BCAS4: variants seen among roughly 807,000 people sequenced by gnomAD.
BCAS4 encodes the protein breast carcinoma amplified sequence 4.
Under a neutral mutation model 15.7 loss-of-function variants are expected in BCAS4, and 9 were observed. That is an observed-to-expected ratio of 0.57 (90% confidence interval 0.34 to 1.00). The LOEUF is 1.00. Ranked by LOEUF, BCAS4 falls within the 50% of genes least tolerant of loss-of-function variation. BCAS4 has a pLI of 0.02. For missense variants in BCAS4, 225 were observed against 239.1 expected (o/e 0.94, Z 0.39); for synonymous variants, 101 against 99.5 (o/e 1.02, Z -0.09).
chr20:50,818,091 G>C, intron 1 of BCAS4, 120 bp from the exon 2 acceptor site: 2 of 884,612 alleles, frequency 2.3e-6, no homozygotes, highest in Non-Finnish European at 3.5e-6. Flanking sequence ...GAAGGGGGTC[G>C]AGCAGGAACC....
chr20:50,821,704 GT>G (rs1447535533), intron 2 of BCAS4, among the ~76,000 whole-genome samples: 4 of 152,286 alleles, frequency 2.6e-5, no homozygotes, highest in African/African-American at 9.6e-5. Flanking sequence ...GGGCTGCACG[GT>G]TTAGAGAGAA....
In BCAS4 at chr20:50,802,328, G is replaced by A. The variant is rs572255398; in HGVS notation, c.90+7155G>A. ...CAGGTGGACAAGGACTGAGCTGGCC[G>A]CCTCCCTGCATCAGAACCTTCCGGG... On this transcript the variant is annotated intron_variant, in intron 1 of 4. Coordinates refer to ENST00000371608, the MANE Select transcript of BCAS4 (RefSeq NM_198799.4). 9.2e-5 allele frequency among the ~76,000 whole-genome samples: 14 copies of A among 152,286 alleles called. 1 individual carries two copies. The highest frequency in any genetic ancestry group is 2.6e-4 in the Admixed American group (4 of 15,294).
chr20:50,871,373 T>C (rs1979636654), intron 4 of BCAS4, among the ~76,000 whole-genome samples: 1 of 152,236 alleles, frequency 6.6e-6, no homozygotes, highest in South Asian at 2.1e-4. Flanking sequence ...GAAATGGTCC[T>C]GTCCACCCGC....
chr20:50,876,636 T>C lies in BCAS4; in HGVS notation c.*28T>C. On this transcript the variant is annotated 3_prime_UTR_variant, in exon 5 of 5. Transcript: ENST00000371608. ...TTTGTGGTCTTCCCATCAGGAACGC[T>C]GGAAAGTGACATTGTGTACACACTG... 6.2e-7 allele frequency: 1 copy of C among 1,611,816 alleles called. No individual in the cohort carries two copies.
intron 1 of BCAS4, among the ~76,000 whole-genome samples, chr20:50,806,502 T>TGCATGA (rs1262808882): frequency 6.6e-6 from 1 of 152,226 alleles, no homozygotes; most frequent in Non-Finnish European, 1.5e-5. Flanking sequence ...ATAGGGTTCA[T>TGCATGA]GCATGAACTG....
chr20:50,818,827 G>A (rs2088174666), intron 2 of BCAS4, among the ~76,000 whole-genome samples: 1 of 152,230 alleles, frequency 6.6e-6, no homozygotes, highest in South Asian at 2.1e-4. Flanking sequence ...TAGCCTGGCT[G>A]AGGAGGAAGA....
chr20:50,841,964 G>T (rs1255214703), intron 4 of BCAS4, 64 bp downstream of exon 4: 1 of 1,489,174 alleles, frequency 6.7e-7, no homozygotes, highest in Non-Finnish European at 8.9e-7. Flanking sequence ...AGACCCCAGC[G>T]TGGGGAGGAG....
chr20:50,853,370 C>G (rs1414957913), intron 4 of BCAS4, among the ~76,000 whole-genome samples: 1 of 152,010 alleles, frequency 6.6e-6, no homozygotes, highest in African/African-American at 2.4e-5. Flanking sequence ...GTCTCGAACT[C>G]TTGACCTCAA....
intron 3 of BCAS4, among the ~76,000 whole-genome samples, chr20:50,831,168 C>T (rs2088339046): frequency 6.6e-6 from 1 of 152,096 alleles, no homozygotes. Context: ...GTGGCTCACA[C>T]CTGTAATCCC....
At chr20:50,858,075 C>A (rs1046848336) in intron 4 of BCAS4, among the ~76,000 whole-genome samples, 5 of 152,146 alleles carry the variant, frequency 3.3e-5, no homozygotes, top group African/African-American at 1.2e-4. Context: ...CTGGGCCAGG[C>A]TTAACTCTGC....
chr20:50,837,789 C>T (rs890172731), intron 3 of BCAS4, among the ~76,000 whole-genome samples: 2 of 152,206 alleles, frequency 1.3e-5, no homozygotes, highest in Non-Finnish European at 2.9e-5. Context: ...TCCTCAGCTT[C>T]GCCTCACACT....
At chr20:50,820,850 A>G (rs2088204466) in intron 2 of BCAS4, among the ~76,000 whole-genome samples, 3 of 152,230 alleles carry the variant, frequency 2.0e-5, no homozygotes, top group Non-Finnish European at 4.4e-5. Context: ...GAGGCCACAC[A>G]CAGATGACCC....
downstream of BCAS4, chr20:50,880,707 C>T (rs915213484): frequency 6.6e-6 from 1 of 152,212 alleles, no homozygotes; most frequent in Non-Finnish European, 1.5e-5. Flanking sequence ...GCTCTTCGGT[C>T]AACCCCCTTT....
intron 4 of BCAS4, among the ~76,000 whole-genome samples, chr20:50,856,966 A>G (rs1978792742): frequency 6.6e-6 from 1 of 152,250 alleles, no homozygotes; most frequent in Non-Finnish European, 1.5e-5. Context: ...ACTGTGATTT[A>G]GTTTAAATGT....
intron 1 of BCAS4, among the ~76,000 whole-genome samples, chr20:50,803,411 T>C (rs925727523): frequency 5.3e-5 from 8 of 152,136 alleles, no homozygotes; most frequent in Admixed American, 6.6e-5. Context: ...AAATATGTAT[T>C]TTCATGCATC....
chr20:50,843,402 G>A (rs959828861), intron 4 of BCAS4, among the ~76,000 whole-genome samples: 2 of 152,190 alleles, frequency 1.3e-5, no homozygotes, highest in African/African-American at 4.8e-5. Flanking sequence ...AAAGTGTCAG[G>A]GGTTCTGCCC....
intron 4 of BCAS4, among the ~76,000 whole-genome samples, chr20:50,861,743 C>A (rs915906407): frequency 6.6e-6 from 1 of 152,138 alleles, no homozygotes; most frequent in Non-Finnish European, 1.5e-5. Context: ...CTGCTTCCCT[C>A]CCCCTATGTG....
chr20:50,807,422 G>A (rs940705736), intron 1 of BCAS4, among the ~76,000 whole-genome samples: 1 of 152,142 alleles, frequency 6.6e-6, no homozygotes, highest in African/African-American at 2.4e-5. Flanking sequence ...TTGAACTCCT[G>A]ACCTCAAGTG....
intron 4 of BCAS4, among the ~76,000 whole-genome samples, chr20:50,845,521 C>T (rs1375785263): frequency 6.6e-6 from 1 of 152,186 alleles, no homozygotes; most frequent in Non-Finnish European, 1.5e-5. Flanking sequence ...GGGCCTGTTC[C>T]AATGCCCGGC....
Sources: gnomAD v4.1 joint callset for allele counts (sites outside exome capture counted in the v4.1 genomes callset) on GRCh38, gnomAD v4.1.1 for gene constraint, MANE v1.5 for transcripts, NCBI Gene and HGNC (gene_info 2026-07-23, HGNC 2026-07-21) for gene names.